Variants in STXBP3 observed in about 807,000 individuals in gnomAD.
The protein encoded by STXBP3 is syntaxin binding protein 3, also known as syntaxin-binding protein 3.
In STXBP3, 41 loss-of-function variants were observed where a neutral mutation model predicts 85.7. The observed-to-expected ratio is 0.48, with a 90% CI of 0.37 to 0.62. The LOEUF (loss-of-function observed/expected upper bound fraction) is 0.62. Among genes scored for constraint, STXBP3 ranks in the 20% least tolerant of loss-of-function variants. STXBP3 has a pLI of 0.00. For synonymous variants in STXBP3, 229 were observed against 231.7 expected (o/e 0.99, Z 0.10); for missense variants, 563 against 703.1 (o/e 0.80, Z 2.25).
At chr1:108,799,072 A>T (rs897050025) in intron 16 of STXBP3, among the ~76,000 whole-genome samples, 3 of 152,212 alleles carry the variant, frequency 2.0e-5, no homozygotes, top group African/African-American at 7.2e-5. Context: ...TAAAATCATG[A>T]CACTGATTCT....
chr1:108,750,565 T>TC (rs979253253), intron 1 of STXBP3, among the ~76,000 whole-genome samples: 1 of 152,100 alleles, frequency 6.6e-6, no homozygotes, highest in Non-Finnish European at 1.5e-5. Context: ...TGTGTTTTAT[T>TC]CCCCCCTCAC....
At chr1:108,773,539 A>G (rs1662517778) in intron 7 of STXBP3, among the ~76,000 whole-genome samples, 1 of 152,216 alleles carries the variant, frequency 6.6e-6, no homozygotes, top group Non-Finnish European at 1.5e-5. Context: ...TAAAAACAGG[A>G]TCATTTTTTT....
Position 108,807,569 on chromosome 1 carries a change from C to A in STXBP3, c.1684+20C>A. ...TTATTGGTAAGACTTTCATTTTCTT[C>A]TTTTCTGTTTTTTTTTTTTTTTTTG... On this transcript the variant is annotated intron_variant, in intron 18 of 18. Coordinates refer to ENST00000370008, the MANE Select transcript of STXBP3 (RefSeq NM_007269.4). 46 of 1,409,428 alleles carry A rather than the reference C, an allele frequency of 3.3e-5. No homozygotes were observed. Among genetic ancestry groups the A allele is most frequent in the Non-Finnish European group, 3.9e-5 (41 of 1,059,170 alleles). 87.3% of individuals were successfully genotyped at this position (1,409,428 alleles called of 1,614,324 possible).
At chr1:108,784,903 A>G (rs1662793147) in intron 11 of STXBP3, among the ~76,000 whole-genome samples, 1 of 152,206 alleles carries the variant, frequency 6.6e-6, no homozygotes, top group African/African-American at 2.4e-5. Context: ...TAAAGTTCCA[A>G]AAGGATCTCC....
intron 1 of STXBP3, among the ~76,000 whole-genome samples, chr1:108,749,403 T>C (rs1661858388): frequency 6.6e-6 from 1 of 152,176 alleles, no homozygotes; most frequent in South Asian, 2.1e-4. Context: ...GAAAGATTAA[T>C]ATGATAGATG....
intron 6 of STXBP3, among the ~76,000 whole-genome samples, chr1:108,765,972 C>A (rs1014747773): frequency 6.6e-6 from 1 of 151,026 alleles, no homozygotes; most frequent in Non-Finnish European, 1.5e-5. Flanking sequence ...CCTGATTCAG[C>A]CTCCCGAGTA....
At chr1:108,795,491 TA>T (rs59615177) in intron 13 of STXBP3, among the ~76,000 whole-genome samples, 161 of 138,978 alleles carry the variant, frequency 1.2e-3, no homozygotes, top group Admixed American at 9.4e-4. Context: ...CCTGTCTCTT[TA>T]AAAAAAAAAA....
Position 108,796,215 on chromosome 1 carries a change from A to G in STXBP3, c.1111-19A>G, listed in dbSNP as rs1663092880. On this transcript the variant is annotated intron_variant, in intron 13 of 18. Coordinates refer to ENST00000370008, the MANE Select transcript of STXBP3 (RefSeq NM_007269.4). Reference sequence around the variant, plus strand: ...GAATTTTGGTTATAGATCACTGACAATATTTTATTTTCATTAAGGACCTGG... The same window carrying G: ...GAATTTTGGTTATAGATCACTGACAGTATTTTATTTTCATTAAGGACCTGG... The G allele has an allele frequency of 2.5e-6, 4 of 1,599,680 alleles. No individual in the cohort carries two copies. Among genetic ancestry groups the G allele is most frequent in the East Asian group, 2.2e-5 (1 of 44,776 alleles).
intron 17 of STXBP3, among the ~76,000 whole-genome samples, chr1:108,802,382 G>A (rs1264206939): frequency 6.6e-6 from 1 of 152,132 alleles, no homozygotes; most frequent in South Asian, 2.1e-4. Context: ...AGGTGACAGA[G>A]CAAGACTCCA....
chr1:108,792,094 A>G lies in STXBP3; in HGVS notation c.964-1488A>G, dbSNP rs56926936. On this transcript the variant is annotated intron_variant, in intron 11 of 18. Transcript: ENST00000370008. ...AATTATGAATAAAGCTACTAAAAAT[A>G]TTCACCTTCTTCATATCAGACATTC... 2.2e-4 allele frequency among the ~76,000 whole-genome samples: 34 copies of G among 152,342 alleles called. No homozygotes were observed. In the East Asian group the frequency reaches 6.4e-3, roughly 28 times the overall value.
chr1:108,803,860 A>G (rs900969921), intron 17 of STXBP3, among the ~76,000 whole-genome samples: 1 of 152,138 alleles, frequency 6.6e-6, no homozygotes, highest in African/African-American at 2.4e-5. Flanking sequence ...AATTTCTAAG[A>G]GCTGAGTTAT....
intron 1 of STXBP3, among the ~76,000 whole-genome samples, chr1:108,747,052 G>A (rs887535756): frequency 9.5e-5 from 13 of 137,190 alleles, no homozygotes; most frequent in African/African-American, 3.2e-4. Context: ...GCGAAGCTCC[G>A]CCCCGGGTGA....
At chr1:108,752,141 T>A (rs1661918152) in intron 1 of STXBP3, 116 bp from the exon 2 acceptor site, 1 of 890,368 alleles carries the variant, frequency 1.1e-6, no homozygotes, top group Non-Finnish European at 1.7e-6. Context: ...ATATGTATGC[T>A]TTTTATGTAG....
chr1:108,780,907 A>G (rs1373724408), intron 9 of STXBP3: 1 of 151,802 alleles, frequency 6.6e-6, no homozygotes, highest in Non-Finnish European at 1.5e-5. Flanking sequence ...AACTGGGACT[A>G]CAAGTGTGCA....
chr1:108,779,154 T>C (rs562885390), intron 8 of STXBP3, 132 bp from the exon 9 acceptor site: 1 of 931,584 alleles, frequency 1.1e-6, no homozygotes, highest in South Asian at 2.2e-5. Flanking sequence ...ATTTGTTTTG[T>C]TCTGTTGTAT....
At chr1:108,778,449 C>T (rs544474481) in intron 8 of STXBP3, among the ~76,000 whole-genome samples, 13 of 152,220 alleles carry the variant, frequency 8.5e-5, no homozygotes, top group African/African-American at 2.9e-4. Context: ...TTTAAAATAG[C>T]ATAATGGATA....
chr1:108,807,667 C>T (rs1663370352), intron 18 of STXBP3, 118 bp downstream of exon 18: 1 of 1,013,712 alleles, frequency 9.9e-7, no homozygotes, highest in Non-Finnish European at 1.4e-6. Flanking sequence ...ACCTCCGCCT[C>T]CCAGGTTCAA....
chr1:108,748,747 G>T (rs1030840869), intron 1 of STXBP3, among the ~76,000 whole-genome samples: 2 of 151,564 alleles, frequency 1.3e-5, no homozygotes, highest in African/African-American at 4.9e-5. Context: ...TGGGAGGATC[G>T]CTGGAGCCTG....
At chr1:108,763,231 T>C (rs1287266687) in intron 6 of STXBP3, among the ~76,000 whole-genome samples, 2 of 152,214 alleles carry the variant, frequency 1.3e-5, no homozygotes, top group East Asian at 3.8e-4. Flanking sequence ...TTTACATTAG[T>C]AGTTTCTTAT....
Sources: allele counts gnomAD v4.1 joint callset (sites outside exome capture counted in the v4.1 genomes callset), GRCh38; gene constraint gnomAD v4.1.1; transcripts MANE v1.5; gene names NCBI Gene and HGNC (gene_info 2026-07-23, HGNC 2026-07-21).